The following PSIP1 variants were observed in gnomAD, a reference collection of about 807,000 sequenced individuals.
The protein encoded by PSIP1 is PC4 and SFRS1-interacting protein.
Under a neutral mutation model 74.7 loss-of-function variants are expected in PSIP1, and 19 were observed. That is an observed-to-expected ratio of 0.25 (90% CI 0.18 to 0.37). The LOEUF (loss-of-function observed/expected upper bound fraction) is 0.37. PSIP1 is among the 10% of genes least tolerant of loss of function. The pLI, the probability that PSIP1 is intolerant of heterozygous loss-of-function variation, is 1.00. For missense variants in PSIP1, 601 were observed against 614.3 expected (o/e 0.98, Z 0.23); for synonymous variants, 222 against 195.3 (o/e 1.14, Z -1.14).
chr9:15,470,076 GT>G, intron 10 of PSIP1, 83 bp from the exon 11 acceptor site: 1 of 1,149,896 alleles, frequency 8.7e-7, no homozygotes, highest in Non-Finnish European at 1.3e-6. Flanking sequence ...AGCTAAAAAT[GT>G]TTTCCTTAAA....
chr9:15,509,097 T>C (rs550789128), intron 2 of PSIP1, among the ~76,000 whole-genome samples: 8 of 152,360 alleles, frequency 5.3e-5, no homozygotes, highest in South Asian at 4.1e-4. Flanking sequence ...CGTTATCTAA[T>C]GGGTGTTTTC....
intron 8 of PSIP1, among the ~76,000 whole-genome samples, chr9:15,476,574 A>T (rs553807505): frequency 6.6e-6 from 1 of 152,360 alleles, no homozygotes; most frequent in East Asian, 1.9e-4. Flanking sequence ...AATAAAGGGT[A>T]TAGCTGCAAT....
chr9:15,498,218 C>T (rs913683592), intron 3 of PSIP1, among the ~76,000 whole-genome samples: 1 of 152,138 alleles, frequency 6.6e-6, no homozygotes, highest in Non-Finnish European at 1.5e-5. Flanking sequence ...GAGTTCGAGA[C>T]CAGCCTGGCC....
rs2037803616 is a variant in PSIP1, at chr9:15,510,336, A to C, written c.-141-7T>G. The C allele has an allele frequency of 3.5e-6, 1 of 289,602 alleles. No individual in the cohort carries two copies. Among genetic ancestry groups the C allele is most frequent in the Non-Finnish European group, 6.0e-6 (1 of 167,972 alleles). 17.9% of individuals were successfully genotyped at this position (289,602 alleles called of 1,614,324 possible). ...GGGCGTCCCGACGCGCCTGCTAGGG[A>C]GAGCACCGAGGGCGGTTAAAGCGAA... On this transcript the variant is annotated splice_region_variant and splice_polypyrimidine_tract_variant and intron_variant, in intron 1 of 15. Coordinates refer to ENST00000380733, the MANE Select transcript of PSIP1 (RefSeq NM_033222.5).
intron 8 of PSIP1, among the ~76,000 whole-genome samples, chr9:15,475,841 G>A (rs1175821622): frequency 6.6e-6 from 1 of 152,118 alleles, no homozygotes; most frequent in Admixed American, 6.6e-5. Flanking sequence ...TAGCAGGTAA[G>A]GGATATTAGC....
intron 4 of PSIP1, 115 bp from the exon 5 acceptor site, chr9:15,487,046 T>A (rs750443913): frequency 3.4e-6 from 2 of 579,984 alleles, no homozygotes; most frequent in Non-Finnish European, 5.5e-6. Flanking sequence ...TCACCCAGGC[T>A]GGAGGCAGTG....
At chr9:15,477,246 A>AT (rs1461421637) in intron 8 of PSIP1, among the ~76,000 whole-genome samples, 4 of 152,184 alleles carry the variant, frequency 2.6e-5, no homozygotes, top group African/African-American at 9.6e-5. Context: ...CTATGTGTTT[A>AT]TGGTGTGCAA....
chr9:15,465,594 G>A lies in PSIP1; in HGVS notation c.1533-14C>T, dbSNP rs1044538761. 2.6e-6 allele frequency: 4 copies of A among 1,556,078 alleles called. No homozygotes were observed. The African/African-American group carries it at 4.1e-5, about 16-fold the overall frequency. The stretch of plus-strand genomic sequence containing the variant: ...TCACTGGATGGCCTGAAGAAAAGGG[G>A]GAAAGGTACAACTGGAATTAGGATT... On this transcript the variant is annotated splice_polypyrimidine_tract_variant and intron_variant, in intron 15 of 15. Coordinates refer to ENST00000380733, the MANE Select transcript of PSIP1 (RefSeq NM_033222.5).
Position 15,510,208 on chromosome 9 carries a change from G to A in PSIP1, c.-20C>T, listed in dbSNP as rs886540742. 2.5e-6 allele frequency: 4 copies of A among 1,599,346 alleles called. No individual in the cohort carries two copies. In the African/African-American group the frequency reaches 5.5e-5, roughly 22 times the overall value. On this transcript the variant is annotated 5_prime_UTR_variant, in exon 2 of 16. Transcript: ENST00000380733. ...AGTCATGTTTCGGGGGCGAGACCGG[G>A]GGTCCGAAGCCCGGGAGGCGGCGAG...
intron 2 of PSIP1, 97 bp downstream of exon 2, chr9:15,510,020 G>A (rs1053497358): frequency 4.8e-5 from 60 of 1,251,832 alleles, no homozygotes; most frequent in Non-Finnish European, 6.5e-5. Flanking sequence ...AAGCGAGGGA[G>A]AGAAAGGACA....
intron 14 of PSIP1, among the ~76,000 whole-genome samples, chr9:15,467,223 G>A (rs556761884): frequency 3.9e-5 from 6 of 152,184 alleles, no homozygotes; most frequent in Non-Finnish European, 5.9e-5. Flanking sequence ...ATTCTACCAC[G>A]GAAAAGCAAT....
chr9:15,466,127 C>T (rs1018483503), intron 15 of PSIP1, among the ~76,000 whole-genome samples: 1 of 151,120 alleles, frequency 6.6e-6, no homozygotes, highest in Non-Finnish European at 1.5e-5. Context: ...CAGCTGTAAT[C>T]CCAACACTGG....
intron 3 of PSIP1, among the ~76,000 whole-genome samples, chr9:15,502,741 G>A (rs900026112): frequency 6.6e-6 from 1 of 152,188 alleles, no homozygotes; most frequent in Non-Finnish European, 1.5e-5. Flanking sequence ...ATAATACCAA[G>A]ACTTGGCTTC....
In PSIP1 at chr9:15,464,962, A is replaced by C. The variant is rs2035511749; in HGVS notation, c.*558T>G. On this transcript the variant is annotated 3_prime_UTR_variant, in exon 16 of 16. Transcript: ENST00000380733. ...ACCATACAGAGCACACATTGTTCCA[A>C]AGAAGCTGGATAATGTAGCACAATG... is the stretch of plus-strand genomic sequence containing the variant. The C allele has an allele frequency of 9.2e-6, 2 of 216,874 alleles. No homozygotes were observed. The highest frequency in any genetic ancestry group is 2.3e-5 in the African/African-American group (1 of 44,424). 13.4% of individuals were successfully genotyped at this position (216,874 alleles called of 1,614,324 possible). A position where few individuals can be genotyped will look rare whatever the true frequency, so the allele number is the denominator to read the frequency against.
intron 14 of PSIP1, among the ~76,000 whole-genome samples, chr9:15,468,190 T>G (rs578258040): frequency 3.3e-5 from 5 of 151,562 alleles, no homozygotes; most frequent in South Asian, 4.2e-4. Flanking sequence ...CTCAGCAGCA[T>G]CATCAGAATA....
intron 3 of PSIP1, among the ~76,000 whole-genome samples, chr9:15,495,026 A>G (rs976334600): frequency 3.9e-5 from 6 of 152,184 alleles, no homozygotes; most frequent in Non-Finnish European, 5.9e-5. Context: ...GATTATTTTA[A>G]AAGTATAAAC....
At chr9:15,508,793 G>A (rs941050772) in intron 2 of PSIP1, among the ~76,000 whole-genome samples, 9 of 152,190 alleles carry the variant, frequency 5.9e-5, no homozygotes, top group Non-Finnish European at 1.3e-4. Flanking sequence ...ATTTAAGGTT[G>A]TTGCCCTCGG....
chr9:15,490,320 T>C (rs149138940), intron 3 of PSIP1, among the ~76,000 whole-genome samples, 196 bp from the exon 4 acceptor site: 3 of 152,298 alleles, frequency 2.0e-5, no homozygotes, highest in African/African-American at 7.2e-5. Context: ...AAATCCATAA[T>C]CCTATTAAGT....
chr9:15,507,684 G>A (rs2037659901), intron 2 of PSIP1, among the ~76,000 whole-genome samples: 1 of 131,558 alleles, frequency 7.6e-6, no homozygotes, highest in Admixed American at 7.4e-5. Context: ...TATTTTAAAT[G>A]TCATAATTTT....
Sources: allele counts gnomAD v4.1 joint callset (sites outside exome capture counted in the v4.1 genomes callset), GRCh38; gene constraint gnomAD v4.1.1; transcripts MANE v1.5; gene names NCBI Gene and HGNC (gene_info 2026-07-23, HGNC 2026-07-21).